The following CFAP77 variants were observed in gnomAD, a reference collection of about 807,000 sequenced individuals.
CFAP77 encodes the protein cilia- and flagella-associated protein 77.
CFAP77 carries 25 observed loss-of-function variants against 31.1 expected under a neutral mutation model. The observed-to-expected ratio is 0.80, with a 90% CI of 0.59 to 1.12. The LOEUF is 1.12. Ranked by LOEUF, CFAP77 falls within the 50% of genes most tolerant of loss-of-function variation. The pLI is 0.00. For synonymous variants in CFAP77, 151 were observed against 159.9 expected, an observed-to-expected ratio of 0.94 and a Z score of 0.42; for missense variants, 377 against 397.3, an observed-to-expected ratio of 0.95 and a Z score of 0.44.
At chr9:132,437,487 G>A (rs924325615) in intron 1 of CFAP77, among the ~76,000 whole-genome samples, 2 of 151,850 alleles carry the variant, frequency 1.3e-5, no homozygotes, top group South Asian at 2.1e-4. Context: ...ATCAAGAGGG[G>A]CGGGACCACT....
At chr9:132,523,289 A>T (rs1206689130) in intron 3 of CFAP77, among the ~76,000 whole-genome samples, 1 of 152,058 alleles carries the variant, frequency 6.6e-6, no homozygotes, top group Non-Finnish European at 1.5e-5. Flanking sequence ...GGGTTTCGCC[A>T]CATTGGCCAG....
At chr9:132,414,524 C>T (rs1363743390) in intron 1 of CFAP77, among the ~76,000 whole-genome samples, 3 of 151,940 alleles carry the variant, frequency 2.0e-5, no homozygotes, top group Non-Finnish European at 4.4e-5. Flanking sequence ...CACACACACA[C>T]ACACACACAC....
rs79202857 is a variant in CFAP77 at position 132,531,628 on chromosome 9, G to C, written c.525-5973G>C. Among the ~76,000 whole-genome samples, 90 of 144,832 alleles carry C rather than the reference G, an allele frequency of 6.2e-4. 2 individuals carry two copies. The South Asian group carries it at 0.011, about 17-fold the overall frequency. Reference sequence around the variant, plus strand: ...AGTCTGGGCTTAGGCTAAGACATGGGGGGGGGGGCATGGAAGGCATTTTAA... The same window carrying C: ...AGTCTGGGCTTAGGCTAAGACATGGCGGGGGGGGCATGGAAGGCATTTTAA... On this transcript the variant is annotated intron_variant, in intron 3 of 5. Transcript: ENST00000393216.
chr9:132,561,562 T>C (rs1380035897), intron 5 of CFAP77, among the ~76,000 whole-genome samples: 2 of 150,960 alleles, frequency 1.3e-5, no homozygotes, highest in Non-Finnish European at 2.9e-5. Flanking sequence ...TGTGAATTTG[T>C]ACAGCGCCAG....
intron 1 of CFAP77, among the ~76,000 whole-genome samples, chr9:132,439,709 C>T (rs1329914695): frequency 3.3e-5 from 5 of 151,888 alleles, no homozygotes; most frequent in African/African-American, 4.8e-5. Flanking sequence ...ATTAGCCGGG[C>T]GTGGTGGCGG....
At chr9:132,479,586 C>T (rs1851412323) in intron 1 of CFAP77, among the ~76,000 whole-genome samples, 1 of 152,210 alleles carries the variant, frequency 6.6e-6, no homozygotes, top group Non-Finnish European at 1.5e-5. Flanking sequence ...GATGCTCCTC[C>T]GAGTGGCTGG....
Position 132,537,637 on chromosome 9 carries a change from G to T in CFAP77, c.561G>T (p.Arg187=). ...STPFFDLLQH[R]YLQLWVQEQK... ...CCTTCTTTGATCTGCTGCAGCACCG[G>T]TACCTGCAGCTGTGGGTACAGGAAC... is the stretch of plus-strand genomic sequence containing the variant. Residue 187 remains arginine, a synonymous_variant, in exon 4 of 6, where the codon CGG becomes CGT. Transcript: ENST00000393216. 1.2e-6 allele frequency: 2 copies of T among 1,613,430 alleles called. No homozygotes were observed. The highest frequency in any genetic ancestry group is 1.7e-6 in the Non-Finnish European group (2 of 1,179,660).
intron 1 of CFAP77, among the ~76,000 whole-genome samples, chr9:132,476,112 G>A (rs28558939): frequency 0.029 from 4,475 of 152,214 alleles, 222 homozygotes; most frequent in African/African-American, 0.1. Context: ...CCCGAGCCTG[G>A]CAGGCAGATG....
intron 1 of CFAP77, among the ~76,000 whole-genome samples, chr9:132,416,967 G>A (rs1044034823): frequency 6.6e-6 from 1 of 151,872 alleles, no homozygotes; most frequent in Non-Finnish European, 1.5e-5. Context: ...TTTAATGCCA[G>A]CGTTTGTTGG....
rs996351367 is a variant in CFAP77, at chr9:132,564,884, G to A, written c.733-7504G>A. Among the ~76,000 whole-genome samples, 2 of 152,194 alleles carry A rather than the reference G, an allele frequency of 1.3e-5. No individual in the cohort carries two copies. Among genetic ancestry groups the A allele is most frequent in the African/African-American group, 4.8e-5 (2 of 41,444 alleles). On this transcript the variant is annotated intron_variant, in intron 5 of 5. Transcript: ENST00000393216. This position sits in a 1 kb window ranked among gnomAD's most constrained non-coding sequence, Gnocchi z 4.6. ...ACCTCCGTTCAGGGACTGCGGTGCT[G>A]AGGAAGGGGCCTGCTGTCTGGCGGC...
intron 1 of CFAP77, among the ~76,000 whole-genome samples, chr9:132,454,585 T>A (rs917169264): frequency 1.3e-4 from 20 of 152,188 alleles, no homozygotes; most frequent in Non-Finnish European, 2.8e-4. Flanking sequence ...ACACATCACA[T>A]TTTTTACCAA....
chr9:132,464,956 C>A (rs1460831823), intron 1 of CFAP77, among the ~76,000 whole-genome samples: 1 of 151,658 alleles, frequency 6.6e-6, no homozygotes, highest in Non-Finnish European at 1.5e-5. Context: ...CTATAATAAT[C>A]CCAGCTACTC....
Position 132,499,362 on chromosome 9 carries a change from C to T in CFAP77, c.296-10C>T. ...TGACCACTGCCCCGTGGGTCTCTCC[C>T]TGCCCTCAGCCATCGGACGCTGGAA... On this transcript the variant is annotated splice_polypyrimidine_tract_variant and intron_variant, in intron 2 of 5. Transcript: ENST00000393216. This position sits in a 1 kb window ranked among gnomAD's most constrained non-coding sequence, Gnocchi z 5.4. 2.5e-6 allele frequency: 4 copies of T among 1,613,492 alleles called. No individual in the cohort carries two copies. Among genetic ancestry groups the T allele is most frequent in the Non-Finnish European group, 3.4e-6 (4 of 1,179,730 alleles).
chr9:132,546,382 C>A (rs898635693), intron 5 of CFAP77, among the ~76,000 whole-genome samples: 7 of 152,098 alleles, frequency 4.6e-5, no homozygotes, highest in African/African-American at 1.4e-4. Flanking sequence ...GCTGCCCCCA[C>A]CCCGGCCCCA....
rs775189396 is a variant in CFAP77, at chr9:132,572,509, A to G, written c.854A>G (p.Ter285TrpextTer13). The change falls in exon 6 of 6, where the codon TAG (stop) becomes TGG (tryptophan). Residue 285 changes from the stop codon to tryptophan (W), a stop_lost. Coordinates refer to ENST00000393216, the MANE Select transcript of CFAP77 (RefSeq NM_001282957.2). ...TLRMGNYTHP[*>W] ...CGGATGGGCAACTACACCCACCCCT[A>G]GCCCCTCCCTCCCCTGCCACAAGAA... 3.7e-6 allele frequency: 6 copies of G among 1,601,326 alleles called. No homozygotes were observed. In the African/African-American group the frequency reaches 6.7e-5, roughly 18 times the overall value.
In CFAP77 at chr9:132,429,661, G is replaced by A. The variant is rs185779382; in HGVS notation, c.195+19195G>A. On this transcript the variant is annotated intron_variant, in intron 1 of 5. Coordinates refer to ENST00000393216, the MANE Select transcript of CFAP77 (RefSeq NM_001282957.2). Reference sequence around the variant, plus strand: ...AGATCAAGACCATCCTGGCTAACACGGCGAAACCCCGTCTCTACTAACAAA... The same window carrying A: ...AGATCAAGACCATCCTGGCTAACACAGCGAAACCCCGTCTCTACTAACAAA... Among the ~76,000 whole-genome samples, 605 of 148,740 alleles carry A rather than the reference G, an allele frequency of 4.1e-3. 5 individuals carry two copies. The highest frequency in any genetic ancestry group is 0.019 in the East Asian group (96 of 5,032).
intron 3 of CFAP77, among the ~76,000 whole-genome samples, chr9:132,531,456 G>A (rs1019000070): frequency 3.3e-5 from 5 of 152,144 alleles, no homozygotes; most frequent in African/African-American, 1.2e-4. Context: ...ACTGGGACCC[G>A]AAGGCAAAGG....
intron 1 of CFAP77, among the ~76,000 whole-genome samples, chr9:132,494,201 C>T (rs1163403116): frequency 6.6e-6 from 1 of 152,146 alleles, no homozygotes; most frequent in Non-Finnish European, 1.5e-5. Flanking sequence ...CGTGAGCCAC[C>T]ACACCTGGCT....
At chr9:132,549,432 T>TG (rs34302631) in intron 5 of CFAP77, among the ~76,000 whole-genome samples, 1 of 152,012 alleles carries the variant, frequency 6.6e-6, no homozygotes, top group East Asian at 1.9e-4. Flanking sequence ...AATAGGGCAA[T>TG]GGGAAGAATG....
Sources: allele counts gnomAD v4.1 joint callset (sites outside exome capture counted in the v4.1 genomes callset), GRCh38; gene constraint gnomAD v4.1.1; non-coding constraint Gnocchi (gnomAD v3.1); transcripts MANE v1.5; gene names NCBI Gene and HGNC (gene_info 2026-07-23, HGNC 2026-07-21).